KCNH1: variants seen among roughly 807,000 people sequenced by gnomAD.
The protein encoded by KCNH1 is potassium voltage-gated channel subfamily H member 1, also known as voltage-gated delayed rectifier potassium channel KCNH1.
In KCNH1, 27 loss-of-function variants were observed where a neutral mutation model predicts 69.2. That is an observed-to-expected ratio of 0.39 (90% CI 0.29 to 0.54). The LOEUF (loss-of-function observed/expected upper bound fraction) is 0.54, where lower values mean the gene tolerates loss of function less well. KCNH1 is among the 20% of genes least tolerant of loss of function. KCNH1 has a pLI of 0.68. For missense variants in KCNH1, 798 were observed against 1,261.6 expected, an observed-to-expected ratio of 0.63 and a Z score of 5.57; for synonymous variants, 456 against 487.7, an observed-to-expected ratio of 0.93 and a Z score of 0.86.
intron 8 of KCNH1, among the ~76,000 whole-genome samples, chr1:210,802,450 T>C (rs935344811): frequency 1.3e-5 from 2 of 152,196 alleles, no homozygotes; most frequent in African/African-American, 2.4e-5. Context: ...TGAGTACTTA[T>C]GGACTGGAGA....
At chr1:211,017,768 C>T (rs539769641) in intron 6 of KCNH1, among the ~76,000 whole-genome samples, 2 of 152,300 alleles carry the variant, frequency 1.3e-5, no homozygotes, top group African/African-American at 4.8e-5. Flanking sequence ...CACATCTACA[C>T]AGAATTTAGC....
chr1:210,804,242 C>A, intron 7 of KCNH1, 76 bp from the exon 8 acceptor site: 1 of 1,339,990 alleles, frequency 7.5e-7, no homozygotes, highest in South Asian at 1.3e-5. Context: ...GAATGCTCAG[C>A]TTGCTCAGAG....
intron 7 of KCNH1, among the ~76,000 whole-genome samples, chr1:210,806,125 T>C (rs1406486122): frequency 1.3e-5 from 2 of 152,214 alleles, no homozygotes; most frequent in African/African-American, 2.4e-5. Context: ...GTTTAACATG[T>C]TGGAGAAATT....
At chr1:210,982,811 T>C (rs561472778) in intron 6 of KCNH1, among the ~76,000 whole-genome samples, 12 of 152,292 alleles carry the variant, frequency 7.9e-5, no homozygotes, top group Admixed American at 3.3e-4. Context: ...GGTCAAATGG[T>C]ATTTCTAGTT....
chr1:210,995,444 C>T (rs1257817379), intron 6 of KCNH1, among the ~76,000 whole-genome samples: 1 of 152,144 alleles, frequency 6.6e-6, no homozygotes, highest in Non-Finnish European at 1.5e-5. Context: ...ATCTCCAGGC[C>T]TGGAAAGCAT....
At chr1:210,904,951 G>A (rs779209963) in intron 7 of KCNH1, among the ~76,000 whole-genome samples, 6 of 152,082 alleles carry the variant, frequency 3.9e-5, no homozygotes, top group Non-Finnish European at 7.4e-5. Flanking sequence ...ATGTGAGGGG[G>A]AGAACAAGAG....
At position 211,070,372 on chromosome 1, in the gene KCNH1, C is replaced by A. The variant is rs866273623; in HGVS notation, c.558+12408G>T. Among the ~76,000 whole-genome samples, 6 of 150,740 alleles carry A rather than the reference C, an allele frequency of 4.0e-5. No homozygotes were observed. The South Asian group carries it at 1.3e-3, about 32-fold the overall frequency. ...GGTGGAGCTTGCAGTGAGCCAAGAT[C>A]GCACCACCGCACTCCAGCCTGGGCG... On this transcript the variant is annotated intron_variant, in intron 5 of 10. Coordinates refer to ENST00000271751, the MANE Select transcript of KCNH1 (RefSeq NM_172362.3).
At chr1:211,011,648 G>A (rs917551489) in intron 6 of KCNH1, among the ~76,000 whole-genome samples, 1 of 151,970 alleles carries the variant, frequency 6.6e-6, no homozygotes, top group East Asian at 1.9e-4. Context: ...ACAGTTTCAC[G>A]GTTAATCACT....
chr1:210,998,923 T>C (rs1185776243), intron 6 of KCNH1, among the ~76,000 whole-genome samples: 2 of 152,148 alleles, frequency 1.3e-5, no homozygotes, highest in Non-Finnish European at 2.9e-5. Context: ...ACTGGGTACA[T>C]AATGAAATGA....
intron 5 of KCNH1, among the ~76,000 whole-genome samples, chr1:211,053,488 T>G (rs917122555): frequency 6.6e-6 from 1 of 152,112 alleles, no homozygotes; most frequent in Non-Finnish European, 1.5e-5. Context: ...GCTGCCCTGA[T>G]GGAGAAACAC....
chr1:210,976,594 C>A (rs1202761755), intron 6 of KCNH1, among the ~76,000 whole-genome samples: 3 of 144,102 alleles, frequency 2.1e-5, no homozygotes, highest in Non-Finnish European at 4.5e-5. Flanking sequence ...CCAGCCATCC[C>A]ATTACTGGGT....
intron 7 of KCNH1, among the ~76,000 whole-genome samples, chr1:210,900,962 G>A (rs538785738): frequency 6.6e-6 from 1 of 152,082 alleles, no homozygotes; most frequent in East Asian, 1.9e-4. Flanking sequence ...AAGACCTTTG[G>A]TAGAAAAGCT....
chr1:210,711,795 G>A (rs1026554959), intron 10 of KCNH1, among the ~76,000 whole-genome samples: 2 of 152,178 alleles, frequency 1.3e-5, no homozygotes, highest in Non-Finnish European at 2.9e-5. Flanking sequence ...CTCTATCCCT[G>A]GGGCCTGCAC....
At chr1:211,001,046 A>C (rs1445581721) in intron 6 of KCNH1, among the ~76,000 whole-genome samples, 4 of 152,204 alleles carry the variant, frequency 2.6e-5, no homozygotes, top group Non-Finnish European at 4.4e-5. Flanking sequence ...GTTAGACCTA[A>C]AACCATAAAA....
At chr1:210,957,921 T>C (rs1688210973) in intron 6 of KCNH1, among the ~76,000 whole-genome samples, 1 of 152,202 alleles carries the variant, frequency 6.6e-6, no homozygotes, top group Admixed American at 6.5e-5. Flanking sequence ...ACATTTAAGG[T>C]TAATATGGTT....
At position 211,107,263 on chromosome 1, in the gene KCNH1, C is replaced by T; in HGVS notation, c.194G>A (p.Ser65Asn). 1 of 1,613,666 alleles carries T rather than the reference C, an allele frequency of 6.2e-7. No individual in the cohort carries two copies. The highest frequency in any genetic ancestry group is 8.5e-7 in the Non-Finnish European group (1 of 1,179,832). ...CTCCAAACATAAATACCTGCAGGTG[C>T]TGCTTTTTTGCATCACTTCTGCCCT... is the stretch of plus-strand genomic sequence containing the variant. ...YHRAEVMQKSSTCSFMYGELT... is the reference protein window; with the variant it reads ...YHRAEVMQKSNTCSFMYGELT... Residue 65 changes from serine to asparagine, a missense_variant, in exon 2 of 11, where the codon AGC (serine) becomes AAC (asparagine). Physicochemically the swap from Ser to Asn is conservative, Grantham distance 46 (BLOSUM62 1). Transcript: ENST00000271751.
chr1:210,712,702 G>T (rs1455376809), intron 10 of KCNH1, among the ~76,000 whole-genome samples: 1 of 152,180 alleles, frequency 6.6e-6, no homozygotes, highest in Non-Finnish European at 1.5e-5. Flanking sequence ...CTATTCAAGA[G>T]TTTCACCTTT....
At chr1:210,943,802 T>C (rs991801041) in intron 6 of KCNH1, among the ~76,000 whole-genome samples, 6 of 152,218 alleles carry the variant, frequency 3.9e-5, no homozygotes, top group African/African-American at 1.4e-4. Flanking sequence ...CCCTGCTATA[T>C]TCACAAAGAC....
chr1:210,799,706 C>A (rs116278049), intron 8 of KCNH1, among the ~76,000 whole-genome samples: 2 of 152,142 alleles, frequency 1.3e-5, no homozygotes, highest in East Asian at 1.9e-4. Flanking sequence ...TCAGTGATGA[C>A]GTTTTCCTTG....
Sources: gnomAD v4.1 joint callset for allele counts (sites outside exome capture counted in the v4.1 genomes callset) on GRCh38, gnomAD v4.1.1 for gene constraint, MANE v1.5 for transcripts, NCBI Gene and HGNC (gene_info 2026-07-23, HGNC 2026-07-21) for gene names.